TMEM154: variants seen among roughly 807,000 people sequenced by gnomAD.
The protein encoded by TMEM154 is transmembrane protein 154.
A neutral mutation model predicts 24.5 loss-of-function variants in TMEM154; 27 were observed. That is an observed-to-expected ratio of 1.10 (90% CI 0.81 to 1.52). The LOEUF (loss-of-function observed/expected upper bound fraction) is 1.52, where lower values mean the gene tolerates loss of function less well. Ranked by LOEUF, TMEM154 falls within the 40% of genes most tolerant of loss-of-function variation. The pLI is 0.00. For synonymous variants in TMEM154, 67 were observed against 76.8 expected (o/e 0.87, Z 0.67); for missense variants, 228 against 213.4 (o/e 1.07, Z -0.43).
intron 3 of TMEM154, among the ~76,000 whole-genome samples, chr4:152,650,616 C>T (rs924738298): frequency 6.6e-6 from 1 of 152,172 alleles, no homozygotes; most frequent in African/African-American, 2.4e-5. Context: ...TGATCTCCTC[C>T]TATGAATCGG....
At chr4:152,676,349 C>G (rs1248456030) in intron 1 of TMEM154, among the ~76,000 whole-genome samples, 1 of 152,138 alleles carries the variant, frequency 6.6e-6, no homozygotes, top group East Asian at 1.9e-4. Context: ...TTTCTAAACC[C>G]AAAACTAAAC....
intron 1 of TMEM154, among the ~76,000 whole-genome samples, chr4:152,654,138 T>C (rs921390317): frequency 6.6e-6 from 1 of 152,192 alleles, no homozygotes; most frequent in Non-Finnish European, 1.5e-5. Context: ...TTTCCTTACC[T>C]GTCTAAGCAG....
rs1167923301 is a variant in TMEM154, at chr4:152,634,031, C to CAAAAA, written c.537-5475_537-5471dup. On this transcript the variant is annotated intron_variant, in intron 6 of 6. Transcript: ENST00000304385. ...TGGGCAAGAGAGTGAGACCCCATCT[C>CAAAAA]AAAAAAAAAAAAAAAAAAAAAAAAA... Among the ~76,000 whole-genome samples the CAAAAA allele has an allele frequency of 4.5e-3, 92 of 20,388 alleles. 4 individuals carry two copies. Among genetic ancestry groups the CAAAAA allele is most frequent in the Non-Finnish European group, 7.4e-3 (73 of 9,838 alleles). The allele number at this position is 20,388 out of a possible 152,430, so 13.4% of individuals were successfully genotyped here. A position where few individuals can be genotyped will look rare whatever the true frequency, so the allele number is the denominator to read the frequency against.
At chr4:152,666,304 T>G (rs987409740) in intron 1 of TMEM154, 2 of 152,198 alleles carry the variant, frequency 1.3e-5, no homozygotes, top group Non-Finnish European at 2.9e-5. Flanking sequence ...GTGGCCTGGG[T>G]AACAGTATTT....
At chr4:152,634,031 CA>C (rs1167923301) in intron 6 of TMEM154, among the ~76,000 whole-genome samples, 607 of 20,394 alleles carry the variant, frequency 0.03, no homozygotes, top group Non-Finnish European at 0.034. Flanking sequence ...GACCCCATCT[CA>C]AAAAAAAAAA....
At chr4:152,661,290 C>CTCTT (rs1728598614) in intron 1 of TMEM154, among the ~76,000 whole-genome samples, 10 of 49,052 alleles carry the variant, frequency 2.0e-4, no homozygotes, top group African/African-American at 6.9e-4. Flanking sequence ...CTCTTTCTCT[C>CTCTT]TCTCTCTCTC....
intron 3 of TMEM154, among the ~76,000 whole-genome samples, chr4:152,645,826 C>T (rs555115072): frequency 2.4e-4 from 36 of 152,072 alleles, no homozygotes; most frequent in Non-Finnish European, 3.5e-4. Context: ...ATGCCATCAC[C>T]GCTTGCCTTC....
At chr4:152,640,896 T>G in intron 6 of TMEM154, 32 bp downstream of exon 6, 1 of 1,042,824 alleles carries the variant, frequency 9.6e-7, no homozygotes, top group Non-Finnish European at 1.5e-6. Context: ...CCCCGCCATA[T>G]ACATGTAATC....
chr4:152,646,855 C>T, intron 3 of TMEM154: 1 of 672,186 alleles, frequency 1.5e-6, no homozygotes. Flanking sequence ...AGTCTCTTTC[C>T]AGAAGATTTA....
chr4:152,634,616 G>T (rs576956583), intron 6 of TMEM154, among the ~76,000 whole-genome samples: 2 of 152,294 alleles, frequency 1.3e-5, no homozygotes, highest in South Asian at 4.1e-4. Flanking sequence ...CAATGCTGTG[G>T]TTTTTAAAAG....
At chr4:152,666,242 TG>T in intron 1 of TMEM154, 1 of 152,330 alleles carries the variant, frequency 6.6e-6, no homozygotes, top group South Asian at 2.1e-4. Flanking sequence ...CAGCGTCACC[TG>T]GGAAGTTTTC....
rs1751814226 is a variant in TMEM154, at chr4:152,619,595, A to G, written c.*8951T>C. On this transcript the variant is annotated 3_prime_UTR_variant, in exon 7 of 7. Transcript: ENST00000304385. Reference sequence around the variant, plus strand: ...TCTGAGTCTAAATTATAAAAATACTATGCATTTCTACTTTGCTCTCTTGGG... The same window carrying G: ...TCTGAGTCTAAATTATAAAAATACTGTGCATTTCTACTTTGCTCTCTTGGG... 1 of 152,198 alleles carries G rather than the reference A, an allele frequency of 6.6e-6. No individual in the cohort carries two copies. Among genetic ancestry groups the G allele is most frequent in the African/African-American group, 2.4e-5 (1 of 41,442 alleles). 9.4% of individuals were successfully genotyped at this position (152,198 alleles called of 1,614,324 possible). A position where few individuals can be genotyped will look rare whatever the true frequency, so the allele number is the denominator to read the frequency against.
chr4:152,641,018 T>A, intron 5 of TMEM154, 33 bp from the exon 6 acceptor site: 1 of 1,593,300 alleles, frequency 6.3e-7, no homozygotes, highest in Non-Finnish European at 8.6e-7. Flanking sequence ...TCATTGTTAG[T>A]TACTGAAATC....
chr4:152,637,241 G>A (rs772204068), intron 6 of TMEM154, among the ~76,000 whole-genome samples: 7 of 152,158 alleles, frequency 4.6e-5, no homozygotes, highest in Non-Finnish European at 7.4e-5. Flanking sequence ...TTTCACTTGC[G>A]TGGTGCTTTA....
At chr4:152,643,042 G>T in intron 5 of TMEM154, 46 bp downstream of exon 5, 1 of 1,409,204 alleles carries the variant, frequency 7.1e-7, no homozygotes, top group Non-Finnish European at 1.0e-6. Flanking sequence ...GCAGCCTTCT[G>T]TTACTAGAGA....
intron 3 of TMEM154, among the ~76,000 whole-genome samples, chr4:152,649,574 GGT>G (rs1561050367): frequency 6.6e-6 from 1 of 152,172 alleles, no homozygotes; most frequent in Non-Finnish European, 1.5e-5. Flanking sequence ...TGGGATGTGG[GGT>G]GGGGGAGAAA....
chr4:152,647,203 G>GT (rs143541401), intron 3 of TMEM154: 57,576 of 958,490 alleles, frequency 0.06, 1,994 homozygotes, highest in East Asian at 0.075. Context: ...GTAAGAAACA[G>GT]TATGTCTGCT....
intron 6 of TMEM154, among the ~76,000 whole-genome samples, chr4:152,636,170 G>A (rs1752144550): frequency 6.6e-6 from 1 of 152,184 alleles, no homozygotes; most frequent in Non-Finnish European, 1.5e-5. Context: ...AGGCAATAAG[G>A]GAGTGTGTTT....
At chr4:152,646,902 T>A (rs1728255299) in intron 3 of TMEM154, 2 of 701,680 alleles carry the variant, frequency 2.9e-6, no homozygotes, top group Non-Finnish European at 5.2e-6. Context: ...ACAGCCTGTT[T>A]AAAGGGGTAG....
Sources: gnomAD v4.1 joint callset for allele counts (sites outside exome capture counted in the v4.1 genomes callset) on GRCh38, gnomAD v4.1.1 for gene constraint, MANE v1.5 for transcripts, NCBI Gene and HGNC (gene_info 2026-07-23, HGNC 2026-07-21) for gene names.